The following SLC7A14 variants were observed in gnomAD, a reference collection of about 807,000 sequenced individuals.
The protein encoded by SLC7A14 is gamma-aminobutyric acid transporter SLC7A14.
A neutral mutation model predicts 60.2 loss-of-function variants in SLC7A14; 37 were observed. That is an observed-to-expected ratio of 0.61 (90% CI 0.47 to 0.81). SLC7A14 has a LOEUF of 0.81. SLC7A14 is among the 30% of genes least tolerant of loss of function. The pLI, the probability that SLC7A14 is intolerant of heterozygous loss-of-function variation, is 0.00. For missense variants in SLC7A14, 886 were observed against 982.7 expected (o/e 0.90, Z 1.32); for synonymous variants, 399 against 395.8 (o/e 1.01, Z -0.10).
chr3:170,578,209 G>A (rs1254876523), intron 1 of SLC7A14, among the ~76,000 whole-genome samples: 1 of 152,232 alleles, frequency 6.6e-6, no homozygotes, highest in Non-Finnish European at 1.5e-5. Context: ...GCAGAAGAGT[G>A]GTCCTCACCA....
At chr3:170,580,726 T>C (rs1353138985) in intron 1 of SLC7A14, among the ~76,000 whole-genome samples, 1 of 152,244 alleles carries the variant, frequency 6.6e-6, no homozygotes, top group Non-Finnish European at 1.5e-5. Flanking sequence ...CTCAGCTTGA[T>C]TCTCAGGTGC....
chr3:170,531,818 G>C (rs1464481454), intron 1 of SLC7A14, among the ~76,000 whole-genome samples: 1 of 152,150 alleles, frequency 6.6e-6, no homozygotes, highest in Non-Finnish European at 1.5e-5. Flanking sequence ...ACTAAGGAAG[G>C]CTTACAGGGC....
intron 1 of SLC7A14, among the ~76,000 whole-genome samples, chr3:170,559,404 A>G (rs1053356765): frequency 3.9e-5 from 6 of 152,228 alleles, no homozygotes; most frequent in Non-Finnish European, 8.8e-5. Context: ...ATAATTGACT[A>G]TCATTATAGA....
At chr3:170,533,177 C>T (rs1713730353) in intron 1 of SLC7A14, among the ~76,000 whole-genome samples, 1 of 152,174 alleles carries the variant, frequency 6.6e-6, no homozygotes, top group African/African-American at 2.4e-5. Flanking sequence ...CTCTTCTACT[C>T]CTTCCAAGCT....
In SLC7A14 at chr3:170,480,382, A is replaced by T. The variant is rs758211098; in HGVS notation, c.1900T>A (p.Phe634Ile). The T allele has an allele frequency of 1.2e-6, 2 of 1,610,484 alleles. No individual in the cohort carries two copies. The highest frequency in any genetic ancestry group is 1.1e-5 in the South Asian group (1 of 90,574). The change falls in exon 7 of 8, where the codon TTT (phenylalanine) becomes ATT (isoleucine). Residue 634 changes from phenylalanine to isoleucine, a missense_variant. Coordinates refer to ENST00000231706, the MANE Select transcript of SLC7A14 (RefSeq NM_020949.3). ...ACCAGCATGGCAAAGGCAGGCACAA[A>T]GGGGAGGCAAGGGGCCATGTAGGGC... ...KLPYMAPCLP[F>I]VPAFAMLVNI...
At chr3:170,533,348 G>C (rs534740765) in intron 1 of SLC7A14, among the ~76,000 whole-genome samples, 1 of 152,322 alleles carries the variant, frequency 6.6e-6, no homozygotes, top group South Asian at 2.1e-4. Flanking sequence ...TGTGATGTGT[G>C]TCCCAGTAAC....
chr3:170,477,464 A>G (rs954201831), intron 7 of SLC7A14, among the ~76,000 whole-genome samples: 1 of 152,248 alleles, frequency 6.6e-6, no homozygotes, highest in Non-Finnish European at 1.5e-5. Flanking sequence ...CAAGTGCCTC[A>G]GTTTCCTCAT....
At position 170,459,998 on chromosome 3, in the gene SLC7A14, C is replaced by T. The variant is rs1052590530; in HGVS notation, c.*7057G>A. On this transcript the variant is annotated 3_prime_UTR_variant, in exon 8 of 8. Transcript: ENST00000231706. ...TCTTGATAAATCAATATATTGTCAA[C>T]ACCACACATTTGAAAATAAAACACA... The T allele has an allele frequency of 6.6e-6, 1 of 152,142 alleles. No homozygotes were observed. The highest frequency in any genetic ancestry group is 6.5e-5 in the Admixed American group (1 of 15,276). 9.4% of individuals were successfully genotyped at this position (152,142 alleles called of 1,614,324 possible). A position where few individuals can be genotyped will look rare whatever the true frequency, so the allele number is the denominator to read the frequency against.
chr3:170,528,981 A>G (rs1465655573), intron 1 of SLC7A14, among the ~76,000 whole-genome samples: 1 of 152,254 alleles, frequency 6.6e-6, no homozygotes, highest in Non-Finnish European at 1.5e-5. Flanking sequence ...GCAAAGACAT[A>G]GTCCCTGCTC....
At chr3:170,487,199 G>T (rs1386941769) in intron 4 of SLC7A14, among the ~76,000 whole-genome samples, 3 of 142,328 alleles carry the variant, frequency 2.1e-5, no homozygotes, top group Non-Finnish European at 4.5e-5. Flanking sequence ...AGTCCACATG[G>T]CTCCAGGGGT....
At chr3:170,553,974 A>G (rs1714420047) in intron 1 of SLC7A14, among the ~76,000 whole-genome samples, 1 of 152,044 alleles carries the variant, frequency 6.6e-6, no homozygotes, top group African/African-American at 2.4e-5. Context: ...AGTACCCATT[A>G]CCATGAATTC....
rs919577384 is a variant in SLC7A14 at position 170,464,009 on chromosome 3, G to A, written c.*3046C>T. The A allele has an allele frequency of 1.3e-5, 2 of 152,124 alleles. No homozygotes were observed. The highest frequency in any genetic ancestry group is 2.9e-5 in the Non-Finnish European group (2 of 68,030). The allele number at this position is 152,124 out of a possible 1,614,324, so 9.4% of individuals were successfully genotyped here. On this transcript the variant is annotated 3_prime_UTR_variant, in exon 8 of 8. Transcript: ENST00000231706. ...ACCACTAATTCTATTATTTTTCATGGTGTCACTCATTGGCAAATTTAGTAA... is the reference window on the plus strand; with the variant it reads ...ACCACTAATTCTATTATTTTTCATGATGTCACTCATTGGCAAATTTAGTAA...
intron 1 of SLC7A14, among the ~76,000 whole-genome samples, chr3:170,576,173 G>A (rs1478321205): frequency 6.6e-6 from 1 of 152,184 alleles, no homozygotes; most frequent in Non-Finnish European, 1.5e-5. Context: ...CTCATAATAT[G>A]TTATAGCATG....
intron 2 of SLC7A14, among the ~76,000 whole-genome samples, chr3:170,510,701 A>G (rs1712952940): frequency 6.6e-6 from 1 of 152,222 alleles, no homozygotes; most frequent in East Asian, 1.9e-4. Flanking sequence ...CCCCAAGCCA[A>G]TCTTCTGGCC....
At chr3:170,489,573 C>T (rs1712148349) in intron 4 of SLC7A14, among the ~76,000 whole-genome samples, 1 of 152,222 alleles carries the variant, frequency 6.6e-6, no homozygotes, top group Non-Finnish European at 1.5e-5. Context: ...TATGTTCCAG[C>T]AATCCCACTG....
intron 7 of SLC7A14, among the ~76,000 whole-genome samples, chr3:170,470,691 G>A (rs951969931): frequency 2.6e-5 from 4 of 151,070 alleles, no homozygotes; most frequent in Admixed American, 1.3e-4. Context: ...AAGAAAAATG[G>A]AGGGGGACAA....
intron 2 of SLC7A14, 97 bp from the exon 3 acceptor site, chr3:170,501,442 G>A: frequency 4.0e-6 from 4 of 992,598 alleles, no homozygotes; most frequent in Admixed American, 3.9e-5. Flanking sequence ...GACTTTCTAG[G>A]ATCTCAGAAC....
Position 170,481,129 on chromosome 3 carries a change from C to A in SLC7A14, c.1153G>T (p.Val385Leu). 1.9e-6 allele frequency: 3 copies of A among 1,613,970 alleles called. No homozygotes were observed. Among genetic ancestry groups the A allele is most frequent in the Non-Finnish European group, 2.5e-6 (3 of 1,179,964 alleles). The change falls in exon 7 of 8, where the codon GTG (valine) becomes TTG (leucine). Residue 385 changes from valine to leucine, a missense_variant. Val to Leu is a conservative substitution (Grantham distance 32, BLOSUM62 1). Transcript: ENST00000231706. ...AHVSSYTETP[V>L]VACIVSGFLA... is the part of the protein sequence containing the mutation. ...AACCCCGACACGATGCAGGCCACCA[C>A]TGGTGTCTCTGTGTAGGAGCTGACG...
chr3:170,529,663 C>T (rs890424783), intron 1 of SLC7A14, among the ~76,000 whole-genome samples: 3 of 152,046 alleles, frequency 2.0e-5, no homozygotes, highest in Non-Finnish European at 2.9e-5. Context: ...AATCATGGCC[C>T]CCCCAAATTA....
Sources: gnomAD v4.1 joint callset for allele counts (sites outside exome capture counted in the v4.1 genomes callset) on GRCh38, gnomAD v4.1.1 for gene constraint, MANE v1.5 for transcripts, NCBI Gene and HGNC (gene_info 2026-07-23, HGNC 2026-07-21) for gene names.